Variants in FLG observed in about 807,000 individuals in gnomAD.
The protein encoded by FLG is filaggrin.
FLG carries 6 observed loss-of-function variants against 3.8 expected under a neutral mutation model. That is an observed-to-expected ratio of 1.60 (90% CI 0.87 to 3.15). The LOEUF is 3.15. Among genes scored for constraint, FLG ranks in the 30% most tolerant of loss-of-function variants. The pLI, the probability that FLG is intolerant of heterozygous loss-of-function variation, is 0.00. For synonymous variants in FLG, 2,551 were observed against 1,931.6 expected, an observed-to-expected ratio of 1.32 and a Z score of -8.41; for missense variants, 7,595 against 5,050.9, an observed-to-expected ratio of 1.50 and a Z score of -15.27.
intron 1 of FLG, among the ~76,000 whole-genome samples, chr1:152,318,652 G>C (rs1652865157): frequency 1.3e-5 from 2 of 151,892 alleles, no homozygotes; most frequent in Non-Finnish European, 3.0e-5. Flanking sequence ...CTTCAAAATT[G>C]ATACCTCTAG....
In FLG at chr1:152,304,461, G is replaced by A. The variant is rs758172682; in HGVS notation, c.10425C>T (p.Ala3475=). The A allele has an allele frequency of 1.6e-5, 26 of 1,612,370 alleles. 1 individual carries two copies. Among genetic ancestry groups the A allele is most frequent in the Admixed American group, 1.0e-4 (6 of 59,850 alleles). ...SHTTSQGRSD[A]SRGQSGSRSA... is the part of the protein sequence containing the mutation. ...TTCTGGATCCTGACTGCCCACGGGA[G>A]GCATCAGACCTTCCCTGGGATGTGG... Residue 3475 remains alanine, a synonymous_variant, in exon 3 of 3, where the codon GCC becomes GCT. Transcript: ENST00000368799.
rs201304512 is a variant in FLG, at chr1:152,303,610, C to A, written c.11276G>T (p.Arg3759Leu). ...TCCTCTCCTTGACCCCGGGTGTCCACGAATGGTGTCCTGACCCTCTTGGGA... is the reference window on the plus strand; with the variant it reads ...TCCTCTCCTTGACCCCGGGTGTCCAAGAATGGTGTCCTGACCCTCTTGGGA... ...SASQEGQDTI[R>L]GHPGSRRGGR... Residue 3759 changes from arginine to leucine, a missense_variant, in exon 3 of 3, where the codon CGT becomes CTT. Physicochemically the swap from Arg to Leu is moderately radical, Grantham distance 102. Coordinates refer to ENST00000368799, the MANE Select transcript of FLG (RefSeq NM_002016.2). 1.2e-6 allele frequency: 2 copies of A among 1,613,836 alleles called. No individual in the cohort carries two copies. The highest frequency in any genetic ancestry group is 1.3e-5 in the African/African-American group (1 of 74,940).
chr1:152,312,866 C>A lies in FLG; in HGVS notation c.2020G>T (p.Ala674Ser). 6.2e-7 allele frequency: 1 copy of A among 1,614,066 alleles called. No homozygotes were observed. Among genetic ancestry groups the A allele is most frequent in the East Asian group, 2.2e-5 (1 of 44,858 alleles). The change falls in exon 3 of 3, where the codon GCA becomes TCA. Residue 674 changes from alanine to serine, a missense_variant. Transcript: ENST00000368799. The part of the protein sequence containing the change: ...HEDRAGHGHS[A>S]DSSRKSGTRH... ...GTGCCTGATTTTCTGGAGCTGTCTGCAGAGTGCCCATGACCAGCTCTGTCT... is the reference window on the plus strand; with the variant it reads ...GTGCCTGATTTTCTGGAGCTGTCTGAAGAGTGCCCATGACCAGCTCTGTCT...
rs750846362 is a variant in FLG at position 152,306,047 on chromosome 1, A to G, written c.8839T>C (p.Ser2947Pro). The G allele has an allele frequency of 1.3e-6, 2 of 1,593,520 alleles. No individual in the cohort carries two copies. Among genetic ancestry groups the G allele is most frequent in the Non-Finnish European group, 1.7e-6 (2 of 1,178,988 alleles). The change falls in exon 3 of 3, where the codon TCC (serine) becomes CCC (proline). Residue 2947 changes from serine to proline, a missense_variant. By Grantham distance (74) the Ser-to-Pro change is moderately conservative (BLOSUM62 -1). Transcript: ENST00000368799. ...RAGHGHSADS[S>P]RQSGTRHTQT... The stretch of plus-strand genomic sequence containing the variant: ...GTGTGACGAGTGCCTGATTGTCTGG[A>G]GCTGTCTGCAGAGTGCCCATGACCA...
Position 152,304,361 on chromosome 1 carries a change from C to A in FLG, c.10525G>T (p.Ala3509Ser), listed in dbSNP as rs1460603025. 6.2e-7 allele frequency: 1 copy of A among 1,611,888 alleles called. No homozygotes were observed. The highest frequency in any genetic ancestry group is 8.5e-7 in the Non-Finnish European group (1 of 1,179,114). Residue 3509 changes from alanine to serine, a missense_variant, in exon 3 of 3, where the codon GCT becomes TCT. Ala to Ser is a moderately conservative substitution (Grantham distance 99). Coordinates refer to ENST00000368799, the MANE Select transcript of FLG (RefSeq NM_002016.2). ...CTAGAGCTGTCCGCCTGAGTGGAAGCTTCATGGTGATGCGACCATGAGTGC... is the reference window on the plus strand; with the variant it reads ...CTAGAGCTGTCCGCCTGAGTGGAAGATTCATGGTGATGCGACCATGAGTGC... ...SRHSWSHHHEASTQADSSRHS... is the reference protein window; with the variant it reads ...SRHSWSHHHESSTQADSSRHS...
Position 152,313,723 on chromosome 1 carries a change from T to C in FLG, c.1163A>G (p.His388Arg). 6.2e-7 allele frequency: 1 copy of C among 1,614,140 alleles called. No homozygotes were observed. The highest frequency in any genetic ancestry group is 8.5e-7 in the Non-Finnish European group (1 of 1,179,994). The change falls in exon 3 of 3, where the codon CAC (histidine) becomes CGC (arginine). Residue 388 changes from histidine to arginine, a missense_variant. By Grantham distance (29) the His-to-Arg change is conservative. Transcript: ENST00000368799. ...SSPGERHGSGHQQSADSSRHS... is the reference protein window; with the variant it reads ...SSPGERHGSGRQQSADSSRHS... ...TCTGGAGCTGTCTGCTGACTGCTGG[T>C]GGCCGGATCCATGTCTTTCTCCTGG... is the stretch of plus-strand genomic sequence containing the variant.
chr1:152,308,849 A>T lies in FLG; in HGVS notation c.6037T>A (p.Ser2013Thr). 1.9e-6 allele frequency: 3 copies of T among 1,614,092 alleles called. No individual in the cohort carries two copies. Among genetic ancestry groups the T allele is most frequent in the Middle Eastern group, 1.6e-4 (1 of 6,062 alleles). Residue 2013 changes from serine (S) to threonine (T), a missense_variant, in exon 3 of 3, where the codon TCA becomes ACA. Coordinates refer to ENST00000368799, the MANE Select transcript of FLG (RefSeq NM_002016.2). ...CCTGAGTGTCTGGAGCTGTCTGCTG[A>T]CTGGAGCTGGTGGTGGGATCCATGT... ...ERHGSHHQLQSADSSRHSGIG... is the reference protein window; with the variant it reads ...ERHGSHHQLQTADSSRHSGIG...
At position 152,304,684 on chromosome 1, in the gene FLG, C is replaced by A. The variant is rs764725892; in HGVS notation, c.10202G>T (p.Gly3401Val). Residue 3401 changes from glycine (G) to valine (V), a missense_variant, in exon 3 of 3, where the codon GGG becomes GTG. Gly to Val is a moderately radical substitution (Grantham distance 109). Transcript: ENST00000368799. ...TCGTCCAGTGCTGGTCCTGGTCCGC[C>A]CATGGGCAGACTCAGACTGTTCATG... Reference protein sequence around the residue: ...STHEQSESAHGRTRTSTGRRQ... With the variant: ...STHEQSESAHVRTRTSTGRRQ... 3.7e-6 allele frequency: 6 copies of A among 1,612,406 alleles called. No homozygotes were observed. Among genetic ancestry groups the A allele is most frequent in the South Asian group, 3.3e-5 (3 of 90,748 alleles).
chr1:152,304,808 G>A lies in FLG; in HGVS notation c.10078C>T (p.Gln3360Ter), dbSNP rs1266395447. The A allele has an allele frequency of 6.2e-7, 1 of 1,613,924 alleles. No individual in the cohort carries two copies. The change falls in exon 3 of 3, where the codon CAG becomes TAG. Residue 3360 changes from glutamine (Q) to a stop codon, truncating the protein, a stop_gained. Transcript: ENST00000368799. LOFTEE classifies it low-confidence loss of function (END_TRUNC). ...TGGCTCTGCTGATGGGGCCCAGCCT[G>A]TCCATGGCCTGACACTGACTGTGTG... ...SDTQSVSGHG[Q>*]AGPHQQSHQE...
Position 152,302,517 on chromosome 1 carries a change from T to C in FLG, c.*183A>G. On this transcript the variant is annotated 3_prime_UTR_variant, in exon 3 of 3. Transcript: ENST00000368799. Reference sequence around the variant, plus strand: ...TCTTCCATTTAATATTTCTGAAATATAGCGTTTAAAGATCATTACACAATA... The same window carrying C: ...TCTTCCATTTAATATTTCTGAAATACAGCGTTTAAAGATCATTACACAATA... 7 of 728,082 alleles carry C rather than the reference T, an allele frequency of 9.6e-6. No homozygotes were observed. Among genetic ancestry groups the C allele is most frequent in the Non-Finnish European group, 1.3e-5 (6 of 457,174 alleles). The allele number at this position is 728,082 out of a possible 1,614,324, so 45.1% of individuals were successfully genotyped here. A position where few individuals can be genotyped will look rare whatever the true frequency, so the allele number is the denominator to read the frequency against.
chr1:152,309,927 T>G lies in FLG; in HGVS notation c.4959A>C (p.Ser1653=). The change falls in exon 3 of 3, where the codon TCA becomes TCC. Residue 1653 remains serine, a synonymous_variant. Coordinates refer to ENST00000368799, the MANE Select transcript of FLG (RefSeq NM_002016.2). ...AGGAAGTCTCTGCATGACGAGTGCC[T>G]GATTGTCTGGAGCTCTCTGCAGAGT... is the stretch of plus-strand genomic sequence containing the variant. ...HGHSAESSRQ[S]GTRHAETSSG... 1 of 1,614,156 alleles carries G rather than the reference T, an allele frequency of 6.2e-7. No homozygotes were observed. Among genetic ancestry groups the G allele is most frequent in the Non-Finnish European group, 8.5e-7 (1 of 1,180,030 alleles).
In FLG at chr1:152,308,990, C is replaced by T. The variant is rs111661820; in HGVS notation, c.5896G>A (p.Gly1966Ser). The T allele has an allele frequency of 0.013, 21,370 of 1,604,014 alleles. No individual in the cohort carries two copies. In the African/African-American group the frequency reaches 0.26, roughly 20 times the overall value. The change falls in exon 3 of 3, where the codon GGT becomes AGT. Residue 1966 changes from glycine (G) to serine (S), a missense_variant. Coordinates refer to ENST00000368799, the MANE Select transcript of FLG (RefSeq NM_002016.2). ...GAGCTGTCTGCAGAGTGCCCGTGAC[C>T]GGCTCTGTCTTCGTGATGGGACCCA... ...HPGSHHEDRA[G>S]HGHSADSSRQ... is the part of the protein sequence containing the mutation.
Position 152,311,746 on chromosome 1 carries a change from G to C in FLG, c.3140C>G (p.Ser1047Ter). The change falls in exon 3 of 3, where the codon TCA (serine) becomes TGA (stop). Residue 1047 changes from serine to a stop codon, truncating the protein, a stop_gained. Coordinates refer to ENST00000368799, the MANE Select transcript of FLG (RefSeq NM_002016.2). LOFTEE classifies it low-confidence loss of function (END_TRUNC). ...TGAAGCTTGTCTGCGCGGAATGCCTGAGTGTCTGGAGCTGTCTGCTGACTG... is the reference window on the plus strand; with the variant it reads ...TGAAGCTTGTCTGCGCGGAATGCCTCAGTGTCTGGAGCTGTCTGCTGACTG... ...HQQSADSSRH[S>*]GIPRRQASSA... is the part of the protein sequence containing the mutation. 6.2e-7 allele frequency: 1 copy of C among 1,614,122 alleles called. No individual in the cohort carries two copies. The highest frequency in any genetic ancestry group is 8.5e-7 in the Non-Finnish European group (1 of 1,180,020).
At chr1:152,317,159 T>C (rs570343734) in intron 1 of FLG, among the ~76,000 whole-genome samples, 2 of 152,118 alleles carry the variant, frequency 1.3e-5, no homozygotes, top group Non-Finnish European at 2.9e-5. Flanking sequence ...CTCATATGCA[T>C]CATTAATTCT....
In FLG at chr1:152,311,568, C is replaced by T. The variant is rs753041653; in HGVS notation, c.3318G>A (p.Trp1106Ter). The T allele has an allele frequency of 2.5e-6, 4 of 1,614,056 alleles. No homozygotes were observed. Among genetic ancestry groups the T allele is most frequent in the East Asian group, 2.2e-5 (1 of 44,822 alleles). ...QQSHQESARD[W>*]SGGRSGRSGS... Reference sequence around the variant, plus strand: ...CTGAACGTCCAGACCTTCCCCCTGACCAGTCACGTGCGGACTCTTGGTGGC... The same window carrying T: ...CTGAACGTCCAGACCTTCCCCCTGATCAGTCACGTGCGGACTCTTGGTGGC... The change falls in exon 3 of 3, where the codon TGG (tryptophan) becomes TGA (stop). Residue 1106 changes from tryptophan (W) to a stop codon, truncating the protein, a stop_gained. Coordinates refer to ENST00000368799, the MANE Select transcript of FLG (RefSeq NM_002016.2). LOFTEE classifies it low-confidence loss of function (END_TRUNC).
Position 152,311,313 on chromosome 1 carries a change from T to G in FLG, c.3573A>C (p.Ser1191=). ...ATGTGGTGTGGCTGTGATGGGACCC[T>G]GAGTGTCCAGATCTATCTACCGATT... ...HEQSVDRSGH[S]GSHHSHTTSQ... The change falls in exon 3 of 3, where the codon TCA becomes TCC. Residue 1191 remains serine, a synonymous_variant. Transcript: ENST00000368799. The G allele has an allele frequency of 6.2e-7, 1 of 1,613,914 alleles. No individual in the cohort carries two copies. The highest frequency in any genetic ancestry group is 8.5e-7 in the Non-Finnish European group (1 of 1,179,974).
In FLG at chr1:152,314,333, T is replaced by A. The variant is rs1246327609; in HGVS notation, c.553A>T (p.Lys185Ter). 1 of 1,613,152 alleles carries A rather than the reference T, an allele frequency of 6.2e-7. No individual in the cohort carries two copies. Among genetic ancestry groups the A allele is most frequent in the Non-Finnish European group, 8.5e-7 (1 of 1,179,820 alleles). Reference protein sequence around the residue: ...KNHHNSSKKEKNKTENTRLGD... With the variant: ...KNHHNSSKKE ...AATCTAGTATTTTCAGTCTTGTTTT[T>A]CTCTTTTTTACTTGAGTTATGATGG... The change falls in exon 3 of 3, where the codon AAA becomes TAA. Residue 185 changes from lysine to a stop codon, truncating the protein, a stop_gained. Coordinates refer to ENST00000368799, the MANE Select transcript of FLG (RefSeq NM_002016.2). LOFTEE classifies it low-confidence loss of function (END_TRUNC).
In FLG at chr1:152,314,355, A is replaced by G. The variant is rs751704716; in HGVS notation, c.531T>C (p.His177=). Residue 177 remains histidine (H), a synonymous_variant, in exon 3 of 3, where the codon CAT becomes CAC. Transcript: ENST00000368799. The stretch of plus-strand genomic sequence containing the variant: ...TTTTCTCTTTTTTACTTGAGTTATG[A>G]TGGTTTTTTCCATATTCTTCTTCTC... ...THREEEYGKN[H]HNSSKKEKNK... 14 of 1,611,716 alleles carry G rather than the reference A, an allele frequency of 8.7e-6. No homozygotes were observed. In the South Asian group the frequency reaches 1.5e-4, roughly 18 times the overall value.
rs375135803 is a variant in FLG, at chr1:152,311,929, C to T, written c.2957G>A (p.Arg986Lys). The change falls in exon 3 of 3, where the codon AGG (arginine) becomes AAG (lysine). Residue 986 changes from arginine (R) to lysine (K), a missense_variant. Arg to Lys is a conservative substitution (Grantham distance 26, BLOSUM62 2). Coordinates refer to ENST00000368799, the MANE Select transcript of FLG (RefSeq NM_002016.2). Reference sequence around the variant, plus strand: ...ACCGGCTCTGTCTTCGTGATGGGACCTGGGGTGTCTGGAGCCATGTCTTGA... The same window carrying T: ...ACCGGCTCTGTCTTCGTGATGGGACTTGGGGTGTCTGGAGCCATGTCTTGA... ...EQSRHGSRHP[R>K]SHHEDRAGHG... The T allele has an allele frequency of 6.2e-7, 1 of 1,614,120 alleles. No individual in the cohort carries two copies. The highest frequency in any genetic ancestry group is 8.5e-7 in the Non-Finnish European group (1 of 1,180,010).
Sources: gnomAD v4.1 joint callset for allele counts (sites outside exome capture counted in the v4.1 genomes callset) on GRCh38, gnomAD v4.1.1 for gene constraint, MANE v1.5 for transcripts, NCBI Gene and HGNC (gene_info 2026-07-23, HGNC 2026-07-21) for gene names.